DDB2: variants seen among roughly 807,000 people sequenced by gnomAD.
The protein encoded by DDB2 is damage specific DNA binding protein 2, also known as DNA damage-binding protein 2.
Under a neutral mutation model 50.5 loss-of-function variants are expected in DDB2, and 27 were observed. The observed-to-expected ratio is 0.53, with a 90% CI of 0.39 to 0.74. The LOEUF is 0.74. DDB2 is among the 30% of genes least tolerant of loss of function. The pLI is 0.00. For synonymous variants in DDB2, 176 were observed against 205.5 expected (o/e 0.86, Z 1.23); for missense variants, 424 against 545.6 (o/e 0.78, Z 2.22).
chr11:47,238,403 CTT>C (rs781240281), intron 9 of DDB2, among the ~76,000 whole-genome samples: 2 of 146,852 alleles, frequency 1.4e-5, no homozygotes, highest in African/African-American at 2.5e-5. Context: ...CCTAGTATTT[CTT>C]TTTTTTTTTT....
At chr11:47,226,647 A>C (rs957221201) in intron 3 of DDB2, among the ~76,000 whole-genome samples, 1 of 151,586 alleles carries the variant, frequency 6.6e-6, no homozygotes, top group South Asian at 2.1e-4. Context: ...GCATTTCTCT[A>C]ATGATTAGTG....
At chr11:47,223,306 G>A (rs1360344653) in intron 3 of DDB2, among the ~76,000 whole-genome samples, 2 of 152,142 alleles carry the variant, frequency 1.3e-5, no homozygotes, top group East Asian at 3.9e-4. Flanking sequence ...CTAACATGGT[G>A]AAACCCCGCC....
At chr11:47,218,333 T>G (rs560894507) in intron 3 of DDB2, among the ~76,000 whole-genome samples, 4 of 152,200 alleles carry the variant, frequency 2.6e-5, no homozygotes, top group Non-Finnish European at 5.9e-5. Flanking sequence ...TTATATTTGT[T>G]GAATGAGTGA....
At position 47,238,756 on chromosome 11, in the gene DDB2, T is replaced by C. The variant is rs1229561600; in HGVS notation, c.1235-44T>C. The C allele has an allele frequency of 1.9e-6, 3 of 1,607,842 alleles. No homozygotes were observed. The African/African-American group carries it at 4.0e-5, about 22-fold the overall frequency. On this transcript the variant is annotated intron_variant, in intron 9 of 9. Transcript: ENST00000256996. ...CGGGCCAGCCCCAGGCTCTGAGAGA[T>C]TGGTAACAGAAAGTGTAAGTCAGAC... is the stretch of plus-strand genomic sequence containing the variant.
chr11:47,237,588 G>A (rs961638000), intron 7 of DDB2: 8 of 431,480 alleles, frequency 1.9e-5, no homozygotes, highest in Admixed American at 3.4e-5. Flanking sequence ...GTACCACCAC[G>A]CCCAGCTAAT....
rs1953696404 is a variant in DDB2, at chr11:47,234,628, G to A, written c.658G>A (p.Asp220Asn). ...SASSRMVVTG[D>N]NVGNVILLNM... ...TAGTAGCCGAATGGTGGTCACAGGA[G>A]ACAACGTGGGGAACGTGATCCTGCT... The change falls in exon 5 of 10, where the codon GAC becomes AAC. Residue 220 changes from aspartate (D) to asparagine (N), a missense_variant. Asp to Asn is a conservative substitution (Grantham distance 23). Coordinates refer to ENST00000256996, the MANE Select transcript of DDB2 (RefSeq NM_000107.3). The A allele has an allele frequency of 6.2e-7, 1 of 1,614,056 alleles. No individual in the cohort carries two copies. The highest frequency in any genetic ancestry group is 1.7e-5 in the Admixed American group (1 of 59,990).
chr11:47,224,618 C>T (rs1018905553), intron 3 of DDB2, among the ~76,000 whole-genome samples: 5 of 152,138 alleles, frequency 3.3e-5, no homozygotes, highest in African/African-American at 1.2e-4. Flanking sequence ...ACTGCGATTA[C>T]ATATGGTCCT....
rs1320417426 is a variant in DDB2 at position 47,216,412 on chromosome 11, C to A, written c.204C>A (p.Ser68Arg). Residue 68 changes from serine (S) to arginine (R), a missense_variant, in exon 2 of 10, where the codon AGC (serine) becomes AGA (arginine). Transcript: ENST00000256996. ...AGPQILPPCR[S>R]IVRTLHQHKL... ...CACAGATCCTGCCACCATGCCGCAGCATCGTCAGGACCCTCCACCAGCATA... is the reference window on the plus strand; with the variant it reads ...CACAGATCCTGCCACCATGCCGCAGAATCGTCAGGACCCTCCACCAGCATA... 2 of 1,614,022 alleles carry A rather than the reference C, an allele frequency of 1.2e-6. No individual in the cohort carries two copies. Among genetic ancestry groups the A allele is most frequent in the East Asian group, 4.5e-5 (2 of 44,902 alleles).
intron 3 of DDB2, among the ~76,000 whole-genome samples, chr11:47,230,238 T>C (rs948463450): frequency 6.6e-6 from 1 of 151,912 alleles, no homozygotes; most frequent in Admixed American, 6.6e-5. Context: ...AGGTTGGGGC[T>C]ACGCTGAGCC....
rs767371304 is a variant in DDB2 at position 47,238,107 on chromosome 11, TCTC to T, written c.1189-27_1189-25del. 1.2e-5 allele frequency: 19 copies of T among 1,612,008 alleles called. No individual in the cohort carries two copies. The East Asian group carries it at 4.0e-4, about 34-fold the overall frequency. ...GGTGTCTCTGCTAATACCTTCACCC[TCTC>T]CTCATGTTGACACTCTTGTCTCTGC... is the stretch of plus-strand genomic sequence containing the variant. On this transcript the variant is annotated intron_variant, in intron 8 of 9. Transcript: ENST00000256996.
chr11:47,216,316 ATGTC>A lies in DDB2; in HGVS notation c.128-16_128-13del. The A allele has an allele frequency of 6.2e-7, 1 of 1,614,054 alleles. No individual in the cohort carries two copies. Among genetic ancestry groups the A allele is most frequent in the Non-Finnish European group, 8.5e-7 (1 of 1,179,996 alleles). On this transcript the variant is annotated splice_polypyrimidine_tract_variant and intron_variant, in intron 1 of 9. Transcript: ENST00000256996. ...CTTTCGTGAGATTGGAGAGGAAAAT[ATGTC>A]TGTTCTGCTTGGCAGGTCCTAGCAG... is the stretch of plus-strand genomic sequence containing the variant.
chr11:47,237,750 A>T lies in DDB2; in HGVS notation c.1024-87A>T, dbSNP rs2135516767. ...GCACTCAGCCCAAAGAATACTTTTG[A>T]TGTTCCTCTTTGTTCATATTTGTTT... On this transcript the variant is annotated intron_variant, in intron 7 of 9. Coordinates refer to ENST00000256996, the MANE Select transcript of DDB2 (RefSeq NM_000107.3). The T allele has an allele frequency of 2.9e-6, 4 of 1,384,838 alleles. No individual in the cohort carries two copies. The East Asian group carries it at 9.1e-5, about 32-fold the overall frequency. The allele number at this position is 1,384,838 out of a possible 1,614,324, so 85.8% of individuals were successfully genotyped here.
At chr11:47,226,119 T>G (rs1212979261) in intron 3 of DDB2, among the ~76,000 whole-genome samples, 1 of 152,196 alleles carries the variant, frequency 6.6e-6, no homozygotes, top group East Asian at 1.9e-4. Flanking sequence ...TCTTTGGGGC[T>G]TATGCCAATA....
chr11:47,229,239 T>C (rs924699326), intron 3 of DDB2, among the ~76,000 whole-genome samples: 1 of 151,900 alleles, frequency 6.6e-6, no homozygotes, highest in South Asian at 2.1e-4. Flanking sequence ...AGGGCATCCA[T>C]GTAGGCAGGG....
At chr11:47,233,376 G>GT (rs1953676266) in intron 4 of DDB2, 2 of 271,914 alleles carry the variant, frequency 7.4e-6, no homozygotes, top group Admixed American at 9.3e-5. Flanking sequence ...TTTCCATAAA[G>GT]TGCTCTGGAC....
chr11:47,214,631 C>A, upstream of DDB2: 1 of 168,916 alleles, frequency 5.9e-6, no homozygotes, highest in South Asian at 1.5e-4. Flanking sequence ...ATTAGCCGGG[C>A]GTGGTGGCGT....
intron 9 of DDB2, 38 bp downstream of exon 9, chr11:47,238,221 G>A (rs779872957): frequency 1.9e-6 from 3 of 1,573,526 alleles, no homozygotes; most frequent in South Asian, 1.1e-5. Flanking sequence ...TGCCAAGTCC[G>A]ATCCTACTTC....
chr11:47,218,836 A>C (rs1953438898), intron 3 of DDB2, among the ~76,000 whole-genome samples: 1 of 151,918 alleles, frequency 6.6e-6, no homozygotes, highest in Admixed American at 6.6e-5. Context: ...ATCAGATGTG[A>C]TTTTTCTCAA....
At position 47,238,887 on chromosome 11, in the gene DDB2, G is replaced by A. The variant is rs1463923350; in HGVS notation, c.*38G>A. The A allele has an allele frequency of 2.5e-6, 4 of 1,607,124 alleles. No individual in the cohort carries two copies. The African/African-American group carries it at 5.4e-5, about 22-fold the overall frequency. On this transcript the variant is annotated 3_prime_UTR_variant, in exon 10 of 10. Transcript: ENST00000256996. ...AAGGTGTGGGCCAGACAAGGCCTTG[G>A]AGCCCACACATGGGATCAAGTCCTG...
Sources: allele counts gnomAD v4.1 joint callset (sites outside exome capture counted in the v4.1 genomes callset), GRCh38; gene constraint gnomAD v4.1.1; transcripts MANE v1.5; gene names NCBI Gene and HGNC (gene_info 2026-07-23, HGNC 2026-07-21).